The following ZRANB3 variants were observed in gnomAD, a reference collection of about 807,000 sequenced individuals.
The protein encoded by ZRANB3 is zinc finger RANBP2-type containing 3, also known as DNA annealing helicase and endonuclease ZRANB3.
ZRANB3 carries 125 observed loss-of-function variants against 133.8 expected under a neutral mutation model. The ratio of observed to expected loss-of-function variants is 0.93; its 90% CI spans 0.81 to 1.08. The LOEUF is 1.08. Among genes scored for constraint, ZRANB3 ranks in the 50% least tolerant of loss-of-function variants. ZRANB3 has a pLI of 0.00. For synonymous variants in ZRANB3, 387 were observed against 432.7 expected (o/e 0.89, Z 1.31); for missense variants, 1,229 against 1,275.5 (o/e 0.96, Z 0.56).
intron 7 of ZRANB3, among the ~76,000 whole-genome samples, chr2:135,314,738 T>A (rs1357635749): frequency 6.6e-6 from 1 of 151,464 alleles, no homozygotes; most frequent in Non-Finnish European, 1.5e-5. Context: ...GTTTCACACC[T>A]TCTATTTAGA....
At chr2:135,210,999 A>G (rs921475266) in intron 17 of ZRANB3, among the ~76,000 whole-genome samples, 2 of 152,116 alleles carry the variant, frequency 1.3e-5, no homozygotes, top group African/African-American at 2.4e-5. Context: ...ACTGCACTCC[A>G]GCCTGGGTGA....
intron 2 of ZRANB3, among the ~76,000 whole-genome samples, chr2:135,470,106 C>T (rs1358390764): frequency 6.6e-6 from 1 of 150,906 alleles, no homozygotes; most frequent in African/African-American, 2.4e-5. Flanking sequence ...AGGCAGATCA[C>T]CTGAGGTCAG....
In ZRANB3 at chr2:135,218,385, C is replaced by T. The variant is rs375505286; in HGVS notation, c.2352+692G>A. Among the ~76,000 whole-genome samples the T allele has an allele frequency of 3.9e-5, 6 of 152,224 alleles. No homozygotes were observed. The East Asian group carries it at 9.6e-4, about 24-fold the overall frequency. ...TTAGTAGGGTTACCAGTCAAGTATA[C>T]ACAACTGGCTATTTTCTGGGACTCT... On this transcript the variant is annotated intron_variant, in intron 16 of 20. Coordinates refer to ENST00000264159, the MANE Select transcript of ZRANB3 (RefSeq NM_032143.4).
intron 8 of ZRANB3, among the ~76,000 whole-genome samples, chr2:135,282,176 A>T (rs1203486553): frequency 6.6e-6 from 1 of 151,876 alleles, no homozygotes; most frequent in East Asian, 1.9e-4. Flanking sequence ...TTATTTTGTG[A>T]TAGTTGATTT....
chr2:135,234,422 C>T (rs1445075288), intron 12 of ZRANB3, among the ~76,000 whole-genome samples: 1 of 152,212 alleles, frequency 6.6e-6, no homozygotes, highest in African/African-American at 2.4e-5. Flanking sequence ...AGGAACTGAA[C>T]CCAGCTCTGC....
intron 1 of ZRANB3, among the ~76,000 whole-genome samples, chr2:135,524,625 T>C (rs543994489): frequency 7.3e-4 from 111 of 151,856 alleles, no homozygotes; most frequent in African/African-American, 2.5e-3. Flanking sequence ...AACAAGAAAA[T>C]GACTGAAAAA....
At chr2:135,332,145 T>G (rs1684175265) in intron 6 of ZRANB3, among the ~76,000 whole-genome samples, 1 of 152,128 alleles carries the variant, frequency 6.6e-6, no homozygotes, top group Admixed American at 6.6e-5. Flanking sequence ...TACTTATTAG[T>G]ATAGTAGAAT....
At chr2:135,231,932 C>A (rs1475802914) in intron 12 of ZRANB3, among the ~76,000 whole-genome samples, 1 of 152,174 alleles carries the variant, frequency 6.6e-6, no homozygotes, top group East Asian at 1.9e-4. Context: ...TGGGGAGTGT[C>A]AGACAGTGGG....
chr2:135,396,292 C>A (rs1489272802), intron 2 of ZRANB3, among the ~76,000 whole-genome samples: 1 of 152,102 alleles, frequency 6.6e-6, no homozygotes, highest in East Asian at 1.9e-4. Context: ...TCCATCTGAT[C>A]CAGCAATCCT....
At chr2:135,344,594 G>A (rs181027887) in intron 6 of ZRANB3, among the ~76,000 whole-genome samples, 2 of 152,144 alleles carry the variant, frequency 1.3e-5, no homozygotes, top group Admixed American at 1.3e-4. Flanking sequence ...AAAATTAGCC[G>A]GGCATGGTTG....
chr2:135,282,719 C>A (rs1681153311), intron 8 of ZRANB3, among the ~76,000 whole-genome samples: 1 of 152,138 alleles, frequency 6.6e-6, no homozygotes, highest in South Asian at 2.1e-4. Flanking sequence ...GTGAAGAAGG[C>A]AATTCCAATT....
At chr2:135,305,233 T>G (rs1682625051) in intron 8 of ZRANB3, among the ~76,000 whole-genome samples, 1 of 152,236 alleles carries the variant, frequency 6.6e-6, no homozygotes, top group Non-Finnish European at 1.5e-5. Context: ...GTGCTGGGAT[T>G]ACAGGCGTGA....
intron 19 of ZRANB3, among the ~76,000 whole-genome samples, chr2:135,207,077 A>T (rs1337794140): frequency 6.6e-6 from 1 of 152,070 alleles, no homozygotes; most frequent in Non-Finnish European, 1.5e-5. Context: ...AGGCATGAGT[A>T]TCGCTTGAAC....
intron 6 of ZRANB3, among the ~76,000 whole-genome samples, chr2:135,327,612 C>A (rs910041213): frequency 6.6e-6 from 1 of 152,070 alleles, no homozygotes; most frequent in African/African-American, 2.4e-5. Flanking sequence ...GGAAGGAGAA[C>A]AGAAGAAAAC....
chr2:135,500,461 G>A (rs1015466437), intron 2 of ZRANB3, among the ~76,000 whole-genome samples: 4 of 151,896 alleles, frequency 2.6e-5, no homozygotes, highest in Non-Finnish European at 4.4e-5. Context: ...AACTACAACC[G>A]CATACAAAAA....
At chr2:135,522,543 T>C (rs925765925) in intron 1 of ZRANB3, among the ~76,000 whole-genome samples, 1 of 152,130 alleles carries the variant, frequency 6.6e-6, no homozygotes, top group Non-Finnish European at 1.5e-5. Context: ...CTCACGCCTG[T>C]AATCCCAGCA....
intron 12 of ZRANB3, among the ~76,000 whole-genome samples, chr2:135,232,649 T>C (rs1004738951): frequency 1.3e-5 from 2 of 152,184 alleles, no homozygotes; most frequent in African/African-American, 4.8e-5. Context: ...TATCCGCTGT[T>C]CTACAGCCTC....
At position 135,207,713 on chromosome 2, in the gene ZRANB3, T is replaced by C; in HGVS notation, c.2730A>G (p.Pro910=). 2 of 1,614,026 alleles carry C rather than the reference T, an allele frequency of 1.2e-6. No individual in the cohort carries two copies. The highest frequency in any genetic ancestry group is 1.7e-6 in the Non-Finnish European group (2 of 1,179,902). The change falls in exon 19 of 21, where the codon CCA becomes CCG. Residue 910 remains proline, a synonymous_variant. Transcript: ENST00000264159. ...YLQAVDNEGN[P]LCLRCQQPTC... is the part of the protein sequence containing the mutation. ...TGGGTTGCTGACAGCGAAGGCAAAG[T>C]GGATTTCCTTCATTATCCACAGCTT...
chr2:135,399,718 G>A (rs1687653476), intron 2 of ZRANB3, among the ~76,000 whole-genome samples: 1 of 152,134 alleles, frequency 6.6e-6, no homozygotes, highest in African/African-American at 2.4e-5. Context: ...TTGTTTGAGT[G>A]CTGTTTGTAA....
Sources: gnomAD v4.1 joint callset for allele counts (sites outside exome capture counted in the v4.1 genomes callset) on GRCh38, gnomAD v4.1.1 for gene constraint, MANE v1.5 for transcripts, NCBI Gene and HGNC (gene_info 2026-07-23, HGNC 2026-07-21) for gene names.